Variants in TENM3 observed in about 807,000 individuals in gnomAD.
The protein encoded by TENM3 is teneurin-3.
TENM3 carries 63 observed loss-of-function variants against 255.1 expected under a neutral mutation model. The observed-to-expected ratio is 0.25, with a 90% CI of 0.20 to 0.30. The LOEUF is 0.30. Among genes scored for constraint, TENM3 ranks in the 10% least tolerant of loss-of-function variants. The probability of loss-of-function intolerance (pLI) is 1.00; values close to 1 mark genes in which losing one functional copy is unlikely to be tolerated. For missense variants in TENM3, 2,929 were observed against 3,461.1 expected, an observed-to-expected ratio of 0.85 and a Z score of 3.86; for synonymous variants, 1,306 against 1,322.3, an observed-to-expected ratio of 0.99 and a Z score of 0.27.
At chr4:181,535,602 T>C in the TENM3 span, among the ~76,000 whole-genome samples, 9 of 152,204 alleles carry the variant, frequency 5.9e-5, no homozygotes, top group Non-Finnish European at 1.0e-4. Context: ...GTAGATTCTT[T>C]ATAATGGCTT....
At chr4:182,516,657 G>A (rs1283713693) in intron 3 of TENM3, among the ~76,000 whole-genome samples, 1 of 152,188 alleles carries the variant, frequency 6.6e-6, no homozygotes, top group Non-Finnish European at 1.5e-5. Flanking sequence ...TTGGGAGGCT[G>A]AGGCGAGTGG....
the TENM3 span, among the ~76,000 whole-genome samples, chr4:181,580,737 T>C: frequency 6.6e-6 from 1 of 152,102 alleles, no homozygotes; most frequent in African/African-American, 2.4e-5. Context: ...GTTAGCCCCA[T>C]GGAGTATCAG....
chr4:182,410,149 G>C (rs574573571), intron 3 of TENM3, among the ~76,000 whole-genome samples: 2 of 152,292 alleles, frequency 1.3e-5, no homozygotes, highest in African/African-American at 4.8e-5. Context: ...AATTTTCAGT[G>C]TGCAGGGATC....
At chr4:182,172,741 A>T (rs1254237398) in intron 1 of TENM3, among the ~76,000 whole-genome samples, 1 of 152,206 alleles carries the variant, frequency 6.6e-6, no homozygotes, top group Non-Finnish European at 1.5e-5. Context: ...AGACCATGTT[A>T]AAAATAATGA....
At chr4:181,999,658 G>C in the TENM3 span, among the ~76,000 whole-genome samples, 1 of 151,988 alleles carries the variant, frequency 6.6e-6, no homozygotes, top group Non-Finnish European at 1.5e-5. Context: ...AAAATGAAGG[G>C]GAAGACCTCC....
chr4:181,709,834 G>A, the TENM3 span, among the ~76,000 whole-genome samples: 1 of 152,190 alleles, frequency 6.6e-6, no homozygotes, highest in South Asian at 2.1e-4. Flanking sequence ...TTTTTTGATG[G>A]ATTGGGAGTA....
At chr4:182,514,083 C>A (rs1737690463) in intron 3 of TENM3, among the ~76,000 whole-genome samples, 2 of 152,200 alleles carry the variant, frequency 1.3e-5, no homozygotes, top group Admixed American at 1.3e-4. Context: ...GGCGGCATGC[C>A]CCCTCCTCTT....
At chr4:182,166,148 A>G (rs1044352866) in intron 1 of TENM3, among the ~76,000 whole-genome samples, 5 of 152,214 alleles carry the variant, frequency 3.3e-5, no homozygotes, top group Non-Finnish European at 7.3e-5. Context: ...CCGTTGGTAA[A>G]GACTACCAAA....
intron 1 of TENM3, among the ~76,000 whole-genome samples, chr4:182,300,826 A>C (rs576106977): frequency 6.6e-6 from 1 of 152,294 alleles, no homozygotes; most frequent in South Asian, 2.1e-4. Flanking sequence ...AAAGGGTAGA[A>C]ACATGATGAT....
intron 5 of TENM3, among the ~76,000 whole-genome samples, chr4:182,644,838 A>G (rs187336939): frequency 7.2e-5 from 11 of 152,294 alleles, no homozygotes; most frequent in Admixed American, 3.3e-4. Flanking sequence ...GATGCAGTCT[A>G]GAGTAGCCTA....
At chr4:182,478,281 C>G (rs1733867170) in intron 3 of TENM3, among the ~76,000 whole-genome samples, 1 of 151,662 alleles carries the variant, frequency 6.6e-6, no homozygotes, top group South Asian at 2.1e-4. Context: ...CAAATTTTTT[C>G]TAATGTCATG....
chr4:181,816,865 C>T, the TENM3 span, among the ~76,000 whole-genome samples: 6 of 152,090 alleles, frequency 3.9e-5, no homozygotes, highest in South Asian at 6.2e-4. Context: ...CATAACTTGC[C>T]GAATACTTTT....
At chr4:181,870,873 G>A in the TENM3 span, among the ~76,000 whole-genome samples, 1 of 151,706 alleles carries the variant, frequency 6.6e-6, no homozygotes, top group Non-Finnish European at 1.5e-5. Flanking sequence ...AAAAATATTT[G>A]CCAATACCAG....
intron 3 of TENM3, among the ~76,000 whole-genome samples, chr4:182,374,585 A>G (rs1417643498): frequency 6.6e-6 from 1 of 152,108 alleles, no homozygotes; most frequent in Non-Finnish European, 1.5e-5. Context: ...CCAAAATTTC[A>G]AGTTCATTAG....
the TENM3 span, among the ~76,000 whole-genome samples, chr4:181,815,714 G>A: frequency 6.6e-5 from 10 of 152,222 alleles, no homozygotes; most frequent in South Asian, 2.1e-3. Flanking sequence ...TAAGCAGAGG[G>A]TGGGGGTTGC....
rs1297550720 is a variant in TENM3 at position 182,688,183 on chromosome 4, T to C, written c.2053T>C (p.Cys685Arg). The C allele has an allele frequency of 6.2e-7, 1 of 1,611,784 alleles. No homozygotes were observed. The highest frequency in any genetic ancestry group is 1.7e-5 in the Admixed American group (1 of 59,738). The change falls in exon 12 of 28, where the codon TGT becomes CGT. Residue 685 changes from cysteine to arginine, a missense_variant. Transcript: ENST00000511685. ...DCSNEICSVDCGSHGVCMGGT... is the reference protein window; with the variant it reads ...DCSNEICSVDRGSHGVCMGGT... ...CCACATAGAAATATGTTCTGTGGAC[T>C]GTGGCTCACACGGCGTTTGCATGGG...
At chr4:182,662,359 G>A (rs11731011) in intron 6 of TENM3, among the ~76,000 whole-genome samples, 6,553 of 152,082 alleles carry the variant, frequency 0.043, 242 homozygotes, top group Non-Finnish European at 0.063. Context: ...AACAGGACAC[G>A]TTGAAAAAAA....
the TENM3 span, among the ~76,000 whole-genome samples, chr4:181,631,169 T>C: frequency 2.0e-5 from 3 of 152,144 alleles, no homozygotes; most frequent in African/African-American, 4.8e-5. Context: ...CAGTCCAGCA[T>C]CCTGATGTCT....
the TENM3 span, among the ~76,000 whole-genome samples, chr4:181,989,234 A>G: frequency 1.6e-3 from 238 of 152,090 alleles, 2 homozygotes; most frequent in African/African-American, 5.3e-3. Flanking sequence ...CGGTCCAGAA[A>G]CTCACAAGGA....
Sources: gnomAD v4.1 joint callset for allele counts (sites outside exome capture counted in the v4.1 genomes callset) on GRCh38, gnomAD v4.1.1 for gene constraint, MANE v1.5 for transcripts, NCBI Gene and HGNC (gene_info 2026-07-23, HGNC 2026-07-21) for gene names.